The following OCA2 variants were observed in gnomAD, a reference collection of about 807,000 sequenced individuals.
OCA2 encodes OCA2 melanosomal transmembrane protein.
Under a neutral mutation model 100.2 loss-of-function variants are expected in OCA2, and 77 were observed. The ratio of observed to expected loss-of-function variants is 0.77; its 90% CI spans 0.64 to 0.93. The LOEUF (loss-of-function observed/expected upper bound fraction) is 0.93. Among genes scored for constraint, OCA2 ranks in the 40% least tolerant of loss-of-function variants. OCA2 has a pLI of 0.00. For missense variants in OCA2, 1,062 were observed against 1,089.1 expected, an observed-to-expected ratio of 0.98 and a Z score of 0.35; for synonymous variants, 432 against 439.2, an observed-to-expected ratio of 0.98 and a Z score of 0.21.
rs1413865157 is a variant in OCA2, at chr15:27,824,610, A to C, written c.2432+20349T>G. Among the ~76,000 whole-genome samples the C allele has an allele frequency of 6.3e-3, 176 of 27,788 alleles. 6 individuals are homozygous for C. The highest frequency in any genetic ancestry group is 0.025 in the East Asian group (3 of 122). The allele number at this position is 27,788 out of a possible 152,430, so 18.2% of individuals were successfully genotyped here. ...TCTCTCTCTCTCTCTCTCTATATAT[A>C]TATATATATATAATATAATATATAT... On this transcript the variant is annotated intron_variant, in intron 23 of 23. Coordinates refer to ENST00000354638, the MANE Select transcript of OCA2 (RefSeq NM_000275.3).
intron 23 of OCA2, among the ~76,000 whole-genome samples, chr15:27,823,595 GT>G (rs1024515758): frequency 6.6e-6 from 1 of 152,160 alleles, no homozygotes; most frequent in African/African-American, 2.4e-5. Context: ...TTTTAACTGA[GT>G]TTTTTTACAT....
chr15:27,752,626 C>G (rs1485310698), downstream of OCA2, among the ~76,000 whole-genome samples: 1 of 152,180 alleles, frequency 6.6e-6, no homozygotes, highest in Non-Finnish European at 1.5e-5. Context: ...CTAGCTCAGT[C>G]CACGTACAGA....
chr15:28,056,612 G>A (rs1459152656), intron 2 of OCA2, among the ~76,000 whole-genome samples: 5 of 152,238 alleles, frequency 3.3e-5, no homozygotes, highest in East Asian at 1.9e-4. Flanking sequence ...AAACTGAGTC[G>A]TTAGGAAAGC....
chr15:27,893,511 G>A (rs1206926178), intron 19 of OCA2, among the ~76,000 whole-genome samples: 4 of 152,074 alleles, frequency 2.6e-5, no homozygotes, highest in African/African-American at 9.7e-5. Flanking sequence ...CGTGCAAGTA[G>A]GAAATATATC....
chr15:27,788,398 G>A (rs564748008), intron 23 of OCA2, among the ~76,000 whole-genome samples: 38 of 152,130 alleles, frequency 2.5e-4, no homozygotes, highest in African/African-American at 9.1e-4. Flanking sequence ...ATGAACAGTT[G>A]TTATATCATC....
intron 17 of OCA2, among the ~76,000 whole-genome samples, chr15:27,953,523 C>T (rs949844412): frequency 2.0e-5 from 3 of 152,174 alleles, no homozygotes; most frequent in Admixed American, 6.5e-5. Flanking sequence ...GAGAGTGATG[C>T]GGATTCTCAC....
intron 2 of OCA2, among the ~76,000 whole-genome samples, chr15:28,050,156 A>G (rs1244769655): frequency 6.6e-6 from 1 of 152,018 alleles, no homozygotes; most frequent in Admixed American, 6.6e-5. Context: ...GTAGTGGCAC[A>G]TGCCTGTAGT....
intron 8 of OCA2, among the ~76,000 whole-genome samples, chr15:28,015,526 G>T (rs992314442): frequency 5.3e-5 from 8 of 152,138 alleles, no homozygotes; most frequent in African/African-American, 1.9e-4. Flanking sequence ...AGGTTATGGG[G>T]ATGACTCCTA....
In OCA2 at chr15:27,985,084, G is replaced by A. The variant is rs755104966; in HGVS notation, c.1344C>T (p.Leu448=). The A allele has an allele frequency of 1.2e-6, 2 of 1,613,896 alleles. No homozygotes were observed. The highest frequency in any genetic ancestry group is 2.7e-5 in the African/African-American group (2 of 74,936). ...CGTACCTTATGGTCACAGGCGTGAAGAGGAGCATGGTGGTGACGTTGTCCA... is the reference window on the plus strand; with the variant it reads ...CGTACCTTATGGTCACAGGCGTGAAAAGGAGCATGGTGGTGACGTTGTCCA... ...AFLDNVTTML[L]FTPVTIRLCE... Residue 448 remains leucine (L), a synonymous_variant, in exon 13 of 24, where the codon CTC becomes CTT. Coordinates refer to ENST00000354638, the MANE Select transcript of OCA2 (RefSeq NM_000275.3).
intron 23 of OCA2, among the ~76,000 whole-genome samples, chr15:27,794,982 A>G (rs1176780996): frequency 6.6e-6 from 1 of 152,240 alleles, no homozygotes; most frequent in Non-Finnish European, 1.5e-5. Context: ...AAAAGACAGC[A>G]GGGCAGACCC....
chr15:28,010,283 A>G (rs2042204760), intron 9 of OCA2, among the ~76,000 whole-genome samples: 1 of 152,224 alleles, frequency 6.6e-6, no homozygotes. Flanking sequence ...ATAATGTCAT[A>G]CTTCATGGTG....
At chr15:27,954,254 T>G (rs890735702) in intron 17 of OCA2, among the ~76,000 whole-genome samples, 1 of 152,032 alleles carries the variant, frequency 6.6e-6, no homozygotes, top group African/African-American at 2.4e-5. Flanking sequence ...CTCGTCCAGG[T>G]GTACAGAGAG....
At chr15:28,092,204 T>C (rs1350193776) in intron 1 of OCA2, among the ~76,000 whole-genome samples, 1 of 152,140 alleles carries the variant, frequency 6.6e-6, no homozygotes, top group Non-Finnish European at 1.5e-5. Context: ...ATAAATTAGT[T>C]GCTGCTTATG....
At chr15:27,944,582 G>A (rs1323880964) in intron 18 of OCA2, among the ~76,000 whole-genome samples, 2 of 152,140 alleles carry the variant, frequency 1.3e-5, no homozygotes, top group East Asian at 3.9e-4. Context: ...CAGGGTTTTT[G>A]CATGTTTGAG....
At chr15:28,032,792 CAAAA>C (rs34369918) in intron 2 of OCA2, among the ~76,000 whole-genome samples, 1 of 107,548 alleles carries the variant, frequency 9.3e-6, no homozygotes, top group African/African-American at 3.4e-5. Flanking sequence ...GACTCTGTCT[CAAAA>C]AAAAAAAAAA....
intron 2 of OCA2, among the ~76,000 whole-genome samples, chr15:28,032,629 C>CAAA (rs59831968): frequency 0.011 from 1,481 of 141,048 alleles, 23 homozygotes; most frequent in African/African-American, 0.034. Context: ...ACTAAAAATA[C>CAAA]AAAAAAAAAA....
intron 19 of OCA2, among the ~76,000 whole-genome samples, chr15:27,884,335 A>T (rs892082610): frequency 6.6e-6 from 1 of 152,250 alleles, no homozygotes; most frequent in East Asian, 1.9e-4. Flanking sequence ...AAATCGCACC[A>T]CTGCACTCCA....
At chr15:27,861,585 C>T (rs1030378797) in intron 21 of OCA2, among the ~76,000 whole-genome samples, 10 of 151,774 alleles carry the variant, frequency 6.6e-5, no homozygotes, top group Admixed American at 4.6e-4. Flanking sequence ...AAGGGCCAGG[C>T]GGGGAAAGAT....
chr15:27,865,465 GC>G (rs1433978453), intron 21 of OCA2, among the ~76,000 whole-genome samples: 1 of 152,224 alleles, frequency 6.6e-6, no homozygotes, highest in African/African-American at 2.4e-5. Context: ...TGCTGACTGG[GC>G]GGCGAGAGCC....
Sources: allele counts gnomAD v4.1 joint callset (sites outside exome capture counted in the v4.1 genomes callset), GRCh38; gene constraint gnomAD v4.1.1; transcripts MANE v1.5; gene names NCBI Gene and HGNC (gene_info 2026-07-23, HGNC 2026-07-21).